The following STK3 variants were observed in gnomAD, a reference collection of about 807,000 sequenced individuals.
STK3 encodes serine/threonine kinase 3.
In STK3, 41 loss-of-function variants were observed where a neutral mutation model predicts 58.0. The ratio of observed to expected loss-of-function variants is 0.71; its 90% CI spans 0.55 to 0.92. STK3 has a LOEUF of 0.92. STK3 is among the 40% of genes least tolerant of loss of function. The probability of loss-of-function intolerance (pLI) is 0.00; values close to 1 mark genes in which losing one functional copy is unlikely to be tolerated. For missense variants in STK3, 479 were observed against 602.7 expected (o/e 0.79, Z 2.15); for synonymous variants, 170 against 191.0 (o/e 0.89, Z 0.91).
chr8:98,781,878 A>C (rs1563994868), intron 1 of STK3, among the ~76,000 whole-genome samples: 1 of 152,336 alleles, frequency 6.6e-6, no homozygotes, highest in East Asian at 1.9e-4. Flanking sequence ...ACAGACCCAG[A>C]AACGAGGTGG....
At chr8:98,642,228 C>T (rs1468831763) in intron 6 of STK3, among the ~76,000 whole-genome samples, 2 of 151,660 alleles carry the variant, frequency 1.3e-5, no homozygotes, top group African/African-American at 4.8e-5. Context: ...GGAAGGGGAG[C>T]GGGGAGGGAG....
intron 6 of STK3, among the ~76,000 whole-genome samples, chr8:98,665,641 T>C (rs1457809040): frequency 6.6e-6 from 1 of 151,588 alleles, no homozygotes; most frequent in Non-Finnish European, 1.5e-5. Flanking sequence ...GGAATCCTCC[T>C]ACCTCAGCCT....
chr8:98,889,923 C>A (rs752219615), intron 1 of STK3: 1 of 152,218 alleles, frequency 6.6e-6, no homozygotes, highest in African/African-American at 2.4e-5. Context: ...AGAAGGCACA[C>A]AGTTACTGAT....
chr8:98,706,231 T>C (rs1405075223), intron 6 of STK3, among the ~76,000 whole-genome samples: 4 of 152,214 alleles, frequency 2.6e-5, no homozygotes, highest in Admixed American at 6.5e-5. Context: ...AAGTATATTT[T>C]TGGGGGAGGA....
chr8:98,695,126 T>A (rs975499355), intron 6 of STK3, among the ~76,000 whole-genome samples: 1 of 152,234 alleles, frequency 6.6e-6, no homozygotes, highest in Non-Finnish European at 1.5e-5. Flanking sequence ...TTTTCATGTG[T>A]TCTTTGGTTG....
chr8:98,608,403 C>T (rs1816930162), intron 6 of STK3, among the ~76,000 whole-genome samples: 1 of 152,128 alleles, frequency 6.6e-6, no homozygotes, highest in African/African-American at 2.4e-5. Flanking sequence ...ATAGTGAATG[C>T]AAACCAGGGA....
chr8:98,865,649 C>T (rs1427826745), intron 3 of STK3, among the ~76,000 whole-genome samples: 1 of 152,190 alleles, frequency 6.6e-6, no homozygotes, highest in African/African-American at 2.4e-5. Flanking sequence ...CATGTCCAGC[C>T]TAGTTTGCTA....
At chr8:98,408,721 C>A (rs1026816876) in intron 3 of STK3, among the ~76,000 whole-genome samples, 8 of 152,360 alleles carry the variant, frequency 5.3e-5, no homozygotes, top group East Asian at 1.9e-4. Context: ...TGGCTGGCAG[C>A]GCTCCTGCTG....
At chr8:98,823,788 A>G (rs1022675198) in intron 1 of STK3, among the ~76,000 whole-genome samples, 1 of 152,184 alleles carries the variant, frequency 6.6e-6, no homozygotes, top group Non-Finnish European at 1.5e-5. Flanking sequence ...CATTTCACAG[A>G]TGAAGAAATT....
intron 6 of STK3, among the ~76,000 whole-genome samples, chr8:98,683,605 T>A (rs1823783429): frequency 6.6e-6 from 1 of 152,062 alleles, no homozygotes; most frequent in Non-Finnish European, 1.5e-5. Flanking sequence ...ACACAGTAAG[T>A]TTAAAAGTGC....
intron 3 of STK3, among the ~76,000 whole-genome samples, chr8:98,870,663 T>C (rs913710732): frequency 3.9e-5 from 6 of 152,258 alleles, no homozygotes; most frequent in Non-Finnish European, 5.9e-5. Flanking sequence ...TCTGTTCATA[T>C]CCTTTGCCCA....
At chr8:98,421,737 CT>C (rs1179799813) in intron 3 of STK3, among the ~76,000 whole-genome samples, 1 of 152,090 alleles carries the variant, frequency 6.6e-6, no homozygotes, top group African/African-American at 2.4e-5. Context: ...GATCGCACCA[CT>C]GCACTACAGC....
rs564290240 is a variant in STK3 at position 98,708,850 on chromosome 8, T to C, written c.352-1539A>G. 2.3e-3 allele frequency among the ~76,000 whole-genome samples: 346 copies of C among 151,890 alleles called. 2 individuals are homozygous for C. Among genetic ancestry groups the C allele is most frequent in the African/African-American group, 8.1e-3 (335 of 41,436 alleles). On this transcript the variant is annotated intron_variant, in intron 4 of 10. Transcript: ENST00000419617. ...CTCACAAGAGTGAGAGGGGCTGTCT[T>C]TTGTCATTCATAATAAGCTCCTTTC...
At chr8:98,712,122 T>C (rs1371391738) in intron 4 of STK3, among the ~76,000 whole-genome samples, 2 of 152,160 alleles carry the variant, frequency 1.3e-5, no homozygotes, top group East Asian at 3.9e-4. Flanking sequence ...CTAAAAGAGC[T>C]CTTGAAGGAA....
At chr8:98,715,106 C>CAG (rs576542963) in intron 4 of STK3, among the ~76,000 whole-genome samples, 303 of 152,290 alleles carry the variant, frequency 2.0e-3, no homozygotes, top group African/African-American at 7.0e-3. Flanking sequence ...TGGATCCCTT[C>CAG]CTTACACCTT....
intron 1 of STK3, among the ~76,000 whole-genome samples, chr8:98,914,055 C>CAA (rs112330558): frequency 3.0e-5 from 4 of 132,628 alleles, no homozygotes; most frequent in Non-Finnish European, 4.9e-5. Flanking sequence ...AAAGCCAATT[C>CAA]AAAAAAAAAA....
At chr8:98,687,268 G>A (rs563992318) in intron 6 of STK3, among the ~76,000 whole-genome samples, 7 of 152,296 alleles carry the variant, frequency 4.6e-5, no homozygotes, top group Admixed American at 2.0e-4. Context: ...TCCATAGATA[G>A]GGTTGGAGGG....
intron 6 of STK3, among the ~76,000 whole-genome samples, chr8:98,681,576 A>G (rs1471030937): frequency 1.3e-5 from 2 of 152,272 alleles, no homozygotes; most frequent in Non-Finnish European, 2.9e-5. Flanking sequence ...CTACATATCC[A>G]TAATACTTAA....
At chr8:98,938,465 G>T (rs916959758) in intron 1 of STK3, among the ~76,000 whole-genome samples, 1 of 152,242 alleles carries the variant, frequency 6.6e-6, no homozygotes, top group East Asian at 1.9e-4. Context: ...CTCAAGAAAA[G>T]CAAAGGGACT....
Sources: gnomAD v4.1 joint callset for allele counts (sites outside exome capture counted in the v4.1 genomes callset) on GRCh38, gnomAD v4.1.1 for gene constraint, MANE v1.5 for transcripts, NCBI Gene and HGNC (gene_info 2026-07-23, HGNC 2026-07-21) for gene names.